The following B9D2 variants were observed in gnomAD, a reference collection of about 807,000 sequenced individuals.
B9D2 encodes B9 domain containing 2.
B9D2 carries 21 observed loss-of-function variants against 19.2 expected under a neutral mutation model. That is an observed-to-expected ratio of 1.09 (90% CI 0.78 to 1.58). The LOEUF is 1.58. Ranked by LOEUF, B9D2 falls within the 40% of genes most tolerant of loss-of-function variation. The pLI is 0.00. For missense variants in B9D2, 221 were observed against 244.3 expected, an observed-to-expected ratio of 0.90 and a Z score of 0.64; for synonymous variants, 91 against 100.6, an observed-to-expected ratio of 0.90 and a Z score of 0.57.
In B9D2 at chr19:41,360,255, A is replaced by C. The variant is rs1388924096; in HGVS notation, c.89-2233T>G. 8.5e-5 allele frequency among the ~76,000 whole-genome samples: 13 copies of C among 152,062 alleles called. 1 individual carries two copies. The highest frequency in any genetic ancestry group is 8.5e-4 in the Admixed American group (13 of 15,254). ...CAGTGGCACAATCACAGCTCACTAC[A>C]ACCTTGACCTCCCAGGATCAAGCAA... On this transcript the variant is annotated intron_variant, in intron 2 of 3. Transcript: ENST00000243578.
chr19:41,359,015 G>A (rs201443628), intron 2 of B9D2, among the ~76,000 whole-genome samples: 26 of 151,586 alleles, frequency 1.7e-4, no homozygotes, highest in African/African-American at 5.1e-4. Flanking sequence ...AGTGGTGGCA[G>A]GTGCCTGTAA....
chr19:41,356,023 G>A (rs938109576), intron 3 of B9D2, among the ~76,000 whole-genome samples: 3 of 152,178 alleles, frequency 2.0e-5, no homozygotes, highest in Admixed American at 2.0e-4. Flanking sequence ...GACGGAGTGT[G>A]CCTGGTGGGG....
intron 1 of B9D2, 132 bp downstream of exon 1, chr19:41,363,826 C>G: frequency 1.9e-6 from 1 of 540,432 alleles, no homozygotes; most frequent in Non-Finnish European, 3.3e-6. Flanking sequence ...CCCACGAGCG[C>G]AAAAGACCCG....
rs2038290021 is a variant in B9D2 at position 41,355,054 on chromosome 19, G to A, written c.215-41C>T. ...GAGAGGGGAAAGGAGGGATGGGTGG[G>A]GACCAGACTCCTGCTGATTCCCCAC... On this transcript the variant is annotated intron_variant, in intron 3 of 3. Transcript: ENST00000243578. 3.3e-6 allele frequency: 5 copies of A among 1,499,080 alleles called. No homozygotes were observed. The East Asian group carries it at 1.2e-4, about 36-fold the overall frequency. 92.9% of individuals were successfully genotyped at this position (1,499,080 alleles called of 1,614,324 possible).
At position 41,354,682 on chromosome 19, in the gene B9D2, C is replaced by T. The variant is rs1800468; in HGVS notation, c.*18G>A. Reference sequence around the variant, plus strand: ...GTGTCCGGGGTGTGGATGGTGGTGACGTTGGAGGCAGAGTCCCTCAGCACT... The same window carrying T: ...GTGTCCGGGGTGTGGATGGTGGTGATGTTGGAGGCAGAGTCCCTCAGCACT... On this transcript the variant is annotated 3_prime_UTR_variant, in exon 4 of 4. Transcript: ENST00000243578. The T allele has an allele frequency of 0.075, 121,467 of 1,613,668 alleles. 5,061 individuals carry two copies. The highest frequency in any genetic ancestry group is 0.1 in the Middle Eastern group (611 of 6,062).
At chr19:41,357,853 C>T (rs772020545) in intron 3 of B9D2, 44 bp downstream of exon 3, 2 of 1,611,794 alleles carry the variant, frequency 1.2e-6, no homozygotes, top group Non-Finnish European at 1.7e-6. Context: ...AGGCTACTGG[C>T]CCCCTCCCCT....
intron 3 of B9D2, among the ~76,000 whole-genome samples, chr19:41,356,986 C>T (rs79711096): frequency 0.013 from 1,935 of 152,260 alleles, 42 homozygotes; most frequent in African/African-American, 0.044. Flanking sequence ...TCCCCTCTGC[C>T]GTCCCGCTCT....
Position 41,354,597 on chromosome 19 carries a change from G to A in B9D2, c.*103C>T. The A allele has an allele frequency of 6.8e-7, 1 of 1,470,446 alleles. No individual in the cohort carries two copies. The highest frequency in any genetic ancestry group is 9.4e-7 in the Non-Finnish European group (1 of 1,063,940). 91.1% of individuals were successfully genotyped at this position (1,470,446 alleles called of 1,614,324 possible). A position where few individuals can be genotyped will look rare whatever the true frequency, so the allele number is the denominator to read the frequency against. ...CGGTGCCATGCCTTAGCTGGGGTCA[G>A]CTCTGACAGTCTCTAGAGTCTGTGC... On this transcript the variant is annotated 3_prime_UTR_variant, in exon 4 of 4. Transcript: ENST00000243578.
At position 41,362,095 on chromosome 19, in the gene B9D2, A is replaced by T. The variant is rs1455915792; in HGVS notation, c.88+1337T>A. 2.0e-5 allele frequency among the ~76,000 whole-genome samples: 3 copies of T among 148,286 alleles called. No individual in the cohort carries two copies. The East Asian group carries it at 5.9e-4, about 29-fold the overall frequency. On this transcript the variant is annotated intron_variant, in intron 2 of 3. Transcript: ENST00000243578. ...CTCTGTCTCAAAAAAAAAAAAAAAA[A>T]AAAAAGGGCCAGGCGCAGTGGCTCA...
intron 2 of B9D2, 75 bp from the exon 3 acceptor site, chr19:41,358,097 G>C (rs1441919971): frequency 7.5e-6 from 12 of 1,589,522 alleles, no homozygotes. Flanking sequence ...CTATAGGACT[G>C]TTTCTCTGTG....
chr19:41,355,979 G>A (rs1027190109), intron 3 of B9D2, among the ~76,000 whole-genome samples: 4 of 152,196 alleles, frequency 2.6e-5, no homozygotes, highest in Admixed American at 2.0e-4. Context: ...CCTGGGGGGG[G>A]ACTGTCTGGT....
intron 2 of B9D2, among the ~76,000 whole-genome samples, chr19:41,362,810 C>T (rs1306199926): frequency 6.6e-6 from 1 of 152,146 alleles, no homozygotes; most frequent in East Asian, 1.9e-4. Flanking sequence ...AACAAGGAAA[C>T]TGAGGCTCAA....
At chr19:41,357,558 C>A (rs2038333518) in intron 3 of B9D2, among the ~76,000 whole-genome samples, 1 of 152,150 alleles carries the variant, frequency 6.6e-6, no homozygotes, top group African/African-American at 2.4e-5. Context: ...GGAGAAACAG[C>A]CCTTGCCTCT....
chr19:41,354,985 C>T lies in B9D2; in HGVS notation c.243G>A (p.Trp81Ter). Residue 81 changes from tryptophan to a stop codon, truncating the protein, a stop_gained, in exon 4 of 4, where the codon TGG (tryptophan) becomes TGA (stop). Transcript: ENST00000243578. LOFTEE classifies it high-confidence loss of function. ...QGWPRLHFQV[W>*]SQDSFGRCQL... ...GGCAGCGGCCAAAGCTGTCCTGGGACCACACCTGGAAATGGAGCCGGGGCC... is the reference window on the plus strand; with the variant it reads ...GGCAGCGGCCAAAGCTGTCCTGGGATCACACCTGGAAATGGAGCCGGGGCC... 6.2e-7 allele frequency: 1 copy of T among 1,605,296 alleles called. No homozygotes were observed. Among genetic ancestry groups the T allele is most frequent in the Non-Finnish European group, 8.5e-7 (1 of 1,174,478 alleles).
In B9D2 at chr19:41,354,745, G is replaced by C. The variant is rs548296403; in HGVS notation, c.483C>G (p.Ile161Met). Residue 161 changes from isoleucine to methionine, a missense_variant, in exon 4 of 4, where the codon ATC (isoleucine) becomes ATG (methionine). Transcript: ENST00000243578. ...GGTCGAAGTTGCGGAGCAGCAGGCC[G>C]ATCTCCAGGTGCACGGTGCCACCAG... ...TAAGGTVHLE[I>M]GLLLRNFDRY... 3 of 1,613,998 alleles carry C rather than the reference G, an allele frequency of 1.9e-6. No individual in the cohort carries two copies. Among genetic ancestry groups the C allele is most frequent in the South Asian group, 2.2e-5 (2 of 91,082 alleles).
chr19:41,362,350 C>T (rs907740928), intron 2 of B9D2, among the ~76,000 whole-genome samples: 6 of 141,224 alleles, frequency 4.2e-5, no homozygotes, highest in Non-Finnish European at 7.5e-5. Context: ...TGCACTACAG[C>T]CTGGGAAACA....
chr19:41,354,873 A>G lies in B9D2; in HGVS notation c.355T>C (p.Trp119Arg), dbSNP rs2038284066. ...ACPTWRPLGS[W>R]REQLARAFVG... ...AAAGCCCGTGCCAACTGTTCTCGCC[A>G]ACTGCCCAGGGGCCGCCACGTGGGG... The change falls in exon 4 of 4, where the codon TGG becomes CGG. Residue 119 changes from tryptophan to arginine, a missense_variant. Transcript: ENST00000243578. 2 of 1,613,754 alleles carry G rather than the reference A, an allele frequency of 1.2e-6. No homozygotes were observed. Among genetic ancestry groups the G allele is most frequent in the Non-Finnish European group, 8.5e-7 (1 of 1,179,972 alleles).
rs2038338466 is a variant in B9D2, at chr19:41,357,803, C to G, written c.214+94G>C. On this transcript the variant is annotated intron_variant, in intron 3 of 3. Transcript: ENST00000243578. ...AAAGGGACCTACGTGGTATGGGGAG[C>G]AGGGACAGGTCTTGGTGTTCCCAGC... The G allele has an allele frequency of 1.2e-5, 19 of 1,555,088 alleles. No individual in the cohort carries two copies. In the South Asian group the frequency reaches 2.1e-4, roughly 17 times the overall value.
chr19:41,363,014 G>T, intron 2 of B9D2: 1 of 244,076 alleles, frequency 4.1e-6, no homozygotes, highest in Non-Finnish European at 8.3e-6. Flanking sequence ...AGAGGCTGAA[G>T]TGGGTGGCCT....
Sources: gnomAD v4.1 joint callset for allele counts (sites outside exome capture counted in the v4.1 genomes callset) on GRCh38, gnomAD v4.1.1 for gene constraint, MANE v1.5 for transcripts, NCBI Gene and HGNC (gene_info 2026-07-23, HGNC 2026-07-21) for gene names.